IFT56: variants seen among roughly 807,000 people sequenced by gnomAD.
IFT56 encodes the protein intraflagellar transport protein 56.
At chr7:139,148,105 G>T in the IFT56 span, 7 of 1,084,198 alleles carry the variant, frequency 6.5e-6, no homozygotes, top group Non-Finnish European at 9.4e-6. Context: ...CATAAGGCAG[G>T]TTCATGAACT....
the IFT56 span, among the ~76,000 whole-genome samples, chr7:139,143,123 T>A: frequency 6.6e-6 from 1 of 152,280 alleles, no homozygotes; most frequent in South Asian, 2.1e-4. Context: ...TTTATAATTT[T>A]AAAAATTTAT....
the IFT56 span, among the ~76,000 whole-genome samples, chr7:139,185,049 A>G: frequency 2.3e-5 from 3 of 133,312 alleles, no homozygotes; most frequent in Admixed American, 7.4e-5. Flanking sequence ...GCGAGACTCC[A>G]TCTCAAAAAA....
At chr7:139,173,542 A>G in the IFT56 span, 6 of 775,002 alleles carry the variant, frequency 7.7e-6, no homozygotes, top group Admixed American at 1.0e-4. Context: ...TCACCTTTTT[A>G]TACTGAGTTT....
At chr7:139,147,188 A>G in the IFT56 span, 2 of 1,613,226 alleles carry the variant, frequency 1.2e-6, no homozygotes, top group Non-Finnish European at 1.7e-6. Flanking sequence ...CAAAATCTTC[A>G]GGATGTCACA....
At chr7:139,179,724 A>G in the IFT56 span, 14 of 1,163,212 alleles carry the variant, frequency 1.2e-5, no homozygotes, top group Non-Finnish European at 1.8e-5. Context: ...AATGACATTG[A>G]AAGTTTTCTA....
chr7:139,191,097 G>T, the IFT56 span: 2 of 151,998 alleles, frequency 1.3e-5, no homozygotes, highest in Non-Finnish European at 2.9e-5. Flanking sequence ...TGTCTCAAGG[G>T]GTTATTTCAC....
At chr7:139,164,795 G>A in the IFT56 span, among the ~76,000 whole-genome samples, 2 of 152,026 alleles carry the variant, frequency 1.3e-5, no homozygotes, top group Admixed American at 1.3e-4. Context: ...AAGATATAAG[G>A]GCTATGAATA....
the IFT56 span, chr7:139,134,883 A>G: frequency 4.4e-6 from 6 of 1,357,860 alleles, no homozygotes; most frequent in Non-Finnish European, 6.0e-6. Flanking sequence ...CTCTTGAAAT[A>G]GGTGGGTGCA....
chr7:139,145,606 G>A, the IFT56 span, among the ~76,000 whole-genome samples: 1 of 151,958 alleles, frequency 6.6e-6, no homozygotes, highest in Admixed American at 6.6e-5. Context: ...TGTAGAGACA[G>A]GGTATTACCA....
chr7:139,179,176 G>C, the IFT56 span, among the ~76,000 whole-genome samples: 1 of 152,330 alleles, frequency 6.6e-6, no homozygotes, highest in East Asian at 1.9e-4. Context: ...GAGCTCAGGA[G>C]TTCGAGACCA....
the IFT56 span, among the ~76,000 whole-genome samples, chr7:139,181,832 T>C: frequency 6.6e-6 from 1 of 152,224 alleles, no homozygotes; most frequent in Non-Finnish European, 1.5e-5. Context: ...AGTAAAAATA[T>C]AATATTATGA....
chr7:139,141,576 G>A, the IFT56 span, among the ~76,000 whole-genome samples: 3 of 152,184 alleles, frequency 2.0e-5, no homozygotes, highest in Non-Finnish European at 4.4e-5. Flanking sequence ...CACATATAAG[G>A]TGATTGTGGT....
At chr7:139,168,236 G>A in the IFT56 span, 7 of 614,672 alleles carry the variant, frequency 1.1e-5, no homozygotes, top group East Asian at 1.7e-4. Context: ...GTAACTGTGG[G>A]TAATCTTTGA....
chr7:139,147,406 T>C, the IFT56 span: 2 of 866,384 alleles, frequency 2.3e-6, no homozygotes, highest in Non-Finnish European at 3.4e-6. Flanking sequence ...CAAATCTGTT[T>C]AGTTGATAAT....
chr7:139,183,207 CA>C, the IFT56 span, among the ~76,000 whole-genome samples: 1 of 150,474 alleles, frequency 6.6e-6, no homozygotes, highest in Non-Finnish European at 1.5e-5. Context: ...ATAGGGTTAA[CA>C]TCAAAGGAAG....
chr7:139,146,972 GTTTC>G, the IFT56 span: 1 of 1,519,014 alleles, frequency 6.6e-7, no homozygotes, highest in Non-Finnish European at 8.8e-7. Context: ...TATTTCCATT[GTTTC>G]TTTGCAGGAG....
At chr7:139,162,688 C>T in the IFT56 span, among the ~76,000 whole-genome samples, 7 of 152,100 alleles carry the variant, frequency 4.6e-5, no homozygotes, top group South Asian at 2.1e-4. Context: ...TGGCCGGTCG[C>T]GGAGGCTCAT....
At chr7:139,138,322 G>A in the IFT56 span, among the ~76,000 whole-genome samples, 1 of 152,120 alleles carries the variant, frequency 6.6e-6, no homozygotes, top group Non-Finnish European at 1.5e-5. Context: ...ACCATATAGT[G>A]TTATAGTTCT....
At chr7:139,181,278 TC>T in the IFT56 span, 1 of 1,068,286 alleles carries the variant, frequency 9.4e-7, no homozygotes. Flanking sequence ...GGGGAAAATG[TC>T]CTGCAGACTA....
Sources: gnomAD v4.1 joint callset for allele counts (sites outside exome capture counted in the v4.1 genomes callset) on GRCh38, gnomAD v4.1.1 for gene constraint, MANE v1.5 for transcripts, NCBI Gene and HGNC (gene_info 2026-07-23, HGNC 2026-07-21) for gene names.